NDE1: variants seen among roughly 807,000 people sequenced by gnomAD.
The protein encoded by NDE1 is nudE neurodevelopment protein 1.
Under a neutral mutation model 43.4 loss-of-function variants are expected in NDE1, and 28 were observed. The ratio of observed to expected loss-of-function variants is 0.65; its 90% CI spans 0.48 to 0.89. The LOEUF (loss-of-function observed/expected upper bound fraction) is 0.89. Among genes scored for constraint, NDE1 ranks in the 40% least tolerant of loss-of-function variants. The probability of loss-of-function intolerance (pLI) is 0.00; values close to 1 mark genes in which losing one functional copy is unlikely to be tolerated. For synonymous variants in NDE1, 184 were observed against 172.0 expected, an observed-to-expected ratio of 1.07 and a Z score of -0.55; for missense variants, 441 against 434.1, an observed-to-expected ratio of 1.02 and a Z score of -0.14.
chr16:15,644,143 C>T (rs2036240002), intron 1 of NDE1, among the ~76,000 whole-genome samples: 1 of 152,184 alleles, frequency 6.6e-6, no homozygotes, highest in South Asian at 2.1e-4. Flanking sequence ...TAAATCTAGA[C>T]ACGATTTAGG....
chr16:15,721,204 C>A, intron 8 of NDE1: 1 of 978,650 alleles, frequency 1.0e-6, no homozygotes, highest in Non-Finnish European at 1.5e-6. Context: ...CCTGAGAGTT[C>A]AGACCCCAGC....
intron 8 of NDE1, 69 bp from the exon 9 acceptor site, chr16:15,724,122 C>G: frequency 6.2e-7 from 1 of 1,611,070 alleles, no homozygotes; most frequent in Non-Finnish European, 8.5e-7. Flanking sequence ...CCCAACCCAG[C>G]GTCCATGGCC....
chr16:15,680,294 G>A (rs115878362), intron 4 of NDE1, among the ~76,000 whole-genome samples: 1,557 of 152,124 alleles, frequency 0.01, 33 homozygotes, highest in African/African-American at 0.035. Context: ...TTCAGAATGT[G>A]GGGGGGCCCA....
In NDE1 at chr16:15,724,300, T is replaced by C. The variant is rs1226945220; in HGVS notation, c.*49T>C. ...TTTATCATAAGCGGCCGCCTTCTCC[T>C]CGTACTGCTGGGTGAGGTTCTCGAT... On this transcript the variant is annotated 3_prime_UTR_variant, in exon 9 of 9. Coordinates refer to ENST00000396354, the MANE Select transcript of NDE1 (RefSeq NM_017668.3). 6.2e-7 allele frequency: 1 copy of C among 1,614,062 alleles called. No individual in the cohort carries two copies. Among genetic ancestry groups the C allele is most frequent in the Non-Finnish European group, 8.5e-7 (1 of 1,180,040 alleles).
Position 15,726,090 on chromosome 16 carries a change from G to A in NDE1, c.*1839G>A. The A allele has an allele frequency of 5.6e-6, 1 of 177,786 alleles. No homozygotes were observed. The highest frequency in any genetic ancestry group is 1.2e-5 in the Non-Finnish European group (1 of 85,464). The allele number at this position is 177,786 out of a possible 1,614,324, so 11.0% of individuals were successfully genotyped here. ...TGGTAGACTTATCCATGCTCCTTAG[G>A]GAAGCCTTTCGTGGCTCCTCCTCCC... On this transcript the variant is annotated 3_prime_UTR_variant, in exon 9 of 9. Transcript: ENST00000396354.
At chr16:15,698,832 C>T (rs1192475254) in intron 8 of NDE1, among the ~76,000 whole-genome samples, 1 of 151,516 alleles carries the variant, frequency 6.6e-6, no homozygotes, top group Non-Finnish European at 1.5e-5. Flanking sequence ...CTGAACTCCA[C>T]TCTGGGCAAC....
At chr16:15,664,318 TG>T (rs1239869618) in intron 1 of NDE1, among the ~76,000 whole-genome samples, 1 of 152,162 alleles carries the variant, frequency 6.6e-6, no homozygotes, top group Non-Finnish European at 1.5e-5. Context: ...TTCAGATTTT[TG>T]GCAGTATTTA....
chr16:15,674,328 C>T (rs2037755422), intron 3 of NDE1, among the ~76,000 whole-genome samples: 1 of 152,144 alleles, frequency 6.6e-6, no homozygotes, highest in South Asian at 2.1e-4. Context: ...ACTGCAACCT[C>T]CGCCTCCTGG....
At chr16:15,691,818 A>G (rs34473047) in intron 6 of NDE1, among the ~76,000 whole-genome samples, 5,257 of 151,774 alleles carry the variant, frequency 0.035, 134 homozygotes, top group South Asian at 0.093. Flanking sequence ...AGGTGGAGAC[A>G]CAGTCTTGCC....
In NDE1 at chr16:15,715,004, G is replaced by A. The variant is rs149566621; in HGVS notation, c.948-9187G>A. 7.0e-4 allele frequency: 1,129 copies of A among 1,613,964 alleles called. 4 individuals are homozygous for A. The African/African-American group carries it at 8.0e-3, about 11-fold the overall frequency. Reference sequence around the variant, plus strand: ...CCCGCTGCAGCTTCCTGCGGTTGGCGTTGATGCGCTGGGACTCCTCCTCTG... The same window carrying A: ...CCCGCTGCAGCTTCCTGCGGTTGGCATTGATGCGCTGGGACTCCTCCTCTG... On this transcript the variant is annotated intron_variant, in intron 8 of 8. Coordinates refer to ENST00000396354, the MANE Select transcript of NDE1 (RefSeq NM_017668.3).
intron 8 of NDE1, among the ~76,000 whole-genome samples, chr16:15,712,189 G>C (rs1337273707): frequency 6.6e-6 from 1 of 152,214 alleles, no homozygotes; most frequent in East Asian, 1.9e-4. Flanking sequence ...GGTGCAGCAT[G>C]TTTGGTGTGA....
intron 8 of NDE1, among the ~76,000 whole-genome samples, chr16:15,706,230 G>A (rs988608737): frequency 2.0e-5 from 3 of 152,094 alleles, no homozygotes; most frequent in Non-Finnish European, 4.4e-5. Context: ...AGCCCTACTA[G>A]AGAACTCTCC....
In NDE1 at chr16:15,724,571, C is replaced by CG; in HGVS notation, c.*321dup. The CG allele has an allele frequency of 6.2e-7, 1 of 1,610,774 alleles. No individual in the cohort carries two copies. Among genetic ancestry groups the CG allele is most frequent in the Admixed American group, 1.7e-5 (1 of 60,000 alleles). On this transcript the variant is annotated 3_prime_UTR_variant, in exon 9 of 9. Coordinates refer to ENST00000396354, the MANE Select transcript of NDE1 (RefSeq NM_017668.3). ...GCACCATCGCACCAACACTCCACCG[C>CG]GATCTGCCTGCGGGGGATCTCAGCG...
At chr16:15,719,550 G>T in intron 8 of NDE1, 1 of 1,613,066 alleles carries the variant, frequency 6.2e-7, no homozygotes, top group Non-Finnish European at 8.5e-7. Context: ...CGTGACACCC[G>T]CATCTGAGGC....
intron 5 of NDE1, among the ~76,000 whole-genome samples, chr16:15,688,695 T>TTTTTTTTTTTA: frequency 2.4e-5 from 2 of 85,088 alleles, no homozygotes; most frequent in Admixed American, 1.1e-4. Flanking sequence ...TTACCTTTTT[T>TTTTTTTTTTTA]TTTTTTTTTT....
At chr16:15,717,174 C>G (rs147710374) in intron 8 of NDE1, 1 of 1,614,204 alleles carries the variant, frequency 6.2e-7, no homozygotes. Context: ...TCCAGCTGTG[C>G]AATCTTGGCC....
chr16:15,714,600 A>G (rs539138087), intron 8 of NDE1: 127 of 514,090 alleles, frequency 2.5e-4, no homozygotes, highest in Middle Eastern at 1.6e-3. Flanking sequence ...TCAGTGATGC[A>G]ATGAAGGAGG....
At chr16:15,694,806 C>T in intron 7 of NDE1, 1 of 985,342 alleles carries the variant, frequency 1.0e-6, no homozygotes, top group South Asian at 4.7e-5. Context: ...TACCGTTTTT[C>T]CTCTAGGAAA....
chr16:15,717,346 G>A lies in NDE1; in HGVS notation c.948-6845G>A, dbSNP rs753482794. ...TGGCCAGCTCGTTGCTGAGCTGCTC[G>A]GCCTGGGGAGGAGAGTGAAGGCCAT... On this transcript the variant is annotated intron_variant, in intron 8 of 8. Coordinates refer to ENST00000396354, the MANE Select transcript of NDE1 (RefSeq NM_017668.3). 16 of 1,605,752 alleles carry A rather than the reference G, an allele frequency of 1.0e-5. No individual in the cohort carries two copies. Among genetic ancestry groups the A allele is most frequent in the South Asian group, 2.2e-5 (2 of 91,082 alleles).
Sources: allele counts gnomAD v4.1 joint callset (sites outside exome capture counted in the v4.1 genomes callset), GRCh38; gene constraint gnomAD v4.1.1; transcripts MANE v1.5; gene names NCBI Gene and HGNC (gene_info 2026-07-23, HGNC 2026-07-21).